SEC31A: variants seen among roughly 807,000 people sequenced by gnomAD.
The protein encoded by SEC31A is SEC31 homolog A, COPII component, also known as protein transport protein Sec31A.
SEC31A carries 70 observed loss-of-function variants against 151.0 expected under a neutral mutation model. The observed-to-expected ratio is 0.46, with a 90% confidence interval of 0.38 to 0.57. SEC31A has a LOEUF of 0.57. Ranked by LOEUF, SEC31A falls within the 20% of genes least tolerant of loss-of-function variation. The probability of loss-of-function intolerance (pLI) is 0.00; values close to 1 mark genes in which losing one functional copy is unlikely to be tolerated. For missense variants in SEC31A, 1,330 were observed against 1,471.2 expected (o/e 0.90, Z 1.57); for synonymous variants, 475 against 505.9 (o/e 0.94, Z 0.82).
chr4:82,865,318 A>C (rs1430974851), intron 10 of SEC31A, among the ~76,000 whole-genome samples: 1 of 152,092 alleles, frequency 6.6e-6, no homozygotes, highest in Non-Finnish European at 1.5e-5. Flanking sequence ...TAAAATGGTA[A>C]AACGGCTATA....
At chr4:82,862,771 T>C (rs922392165) in intron 12 of SEC31A, among the ~76,000 whole-genome samples, 199 bp from the exon 13 acceptor site, 1 of 152,218 alleles carries the variant, frequency 6.6e-6, no homozygotes, top group Non-Finnish European at 1.5e-5. Context: ...TTAGAAATAA[T>C]CCGACAATCA....
At chr4:82,869,381 C>T (rs189254565) in intron 8 of SEC31A, among the ~76,000 whole-genome samples, 1,700 of 150,878 alleles carry the variant, frequency 0.011, 37 homozygotes, top group African/African-American at 0.039. Flanking sequence ...CTGCCCGCCT[C>T]AGCCTCCCAA....
chr4:82,847,717 T>C (rs932588372), intron 20 of SEC31A, among the ~76,000 whole-genome samples: 2 of 152,170 alleles, frequency 1.3e-5, no homozygotes, highest in Non-Finnish European at 2.9e-5. Flanking sequence ...ACAGACTAAG[T>C]CTAGTGCAAT....
At chr4:82,889,776 CA>C (rs1295939508) in intron 1 of SEC31A, among the ~76,000 whole-genome samples, 1 of 152,086 alleles carries the variant, frequency 6.6e-6, no homozygotes, top group African/African-American at 2.4e-5. Context: ...CCTCAAATTT[CA>C]AATTTCACAA....
intron 23 of SEC31A, among the ~76,000 whole-genome samples, chr4:82,828,686 A>AAAAAAAAAAAAAAAAAAAAAAAAAAC (rs1725192064): frequency 6.6e-6 from 1 of 150,488 alleles, no homozygotes. Context: ...AAAAAAAAAA[A>AAAAAAAAAAAAAAAAAAAAAAAAAAC]AAAAAAAAAA....
At chr4:82,863,892 G>A (rs879542037) in intron 11 of SEC31A, among the ~76,000 whole-genome samples, 3 of 152,004 alleles carry the variant, frequency 2.0e-5, no homozygotes, top group Non-Finnish European at 4.4e-5. Context: ...CATTCCAGTG[G>A]AGGCAAAATG....
chr4:82,843,343 C>A (rs1415069850), intron 21 of SEC31A, among the ~76,000 whole-genome samples: 1 of 152,026 alleles, frequency 6.6e-6, no homozygotes, highest in Non-Finnish European at 1.5e-5. Context: ...TTCCTTTGTT[C>A]CCCAGGCTGG....
intron 1 of SEC31A, among the ~76,000 whole-genome samples, chr4:82,885,945 T>C (rs1044111986): frequency 6.6e-6 from 1 of 152,160 alleles, no homozygotes; most frequent in Non-Finnish European, 1.5e-5. Context: ...CTCCGAGTCT[T>C]GTACCTGCAA....
At chr4:82,868,883 T>G (rs1175985916) in intron 8 of SEC31A, among the ~76,000 whole-genome samples, 2 of 151,966 alleles carry the variant, frequency 1.3e-5, no homozygotes, top group East Asian at 3.9e-4. Context: ...GTTGTGGAGA[T>G]GGGGTTTCAC....
chr4:82,827,301 A>G, intron 24 of SEC31A, 68 bp downstream of exon 24: 1 of 1,488,212 alleles, frequency 6.7e-7, no homozygotes. Flanking sequence ...CATAAAAGTT[A>G]GCACATTAAA....
At position 82,856,979 on chromosome 4, in the gene SEC31A, G is replaced by C. The variant is rs149546168; in HGVS notation, c.1854C>G (p.Phe618Leu). 6.2e-7 allele frequency: 1 copy of C among 1,607,926 alleles called. No individual in the cohort carries two copies. Among genetic ancestry groups the C allele is most frequent in the African/African-American group, 1.3e-5 (1 of 74,516 alleles). Residue 618 changes from phenylalanine to leucine, a missense_variant, in exon 16 of 27, where the codon TTC becomes TTG. By Grantham distance (22) the Phe-to-Leu change is conservative. Coordinates refer to ENST00000395310, the MANE Select transcript of SEC31A (RefSeq NM_001077207.4). ...ELLARTQKKY[F>L]AKSQSKITRL... is the part of the protein sequence containing the mutation. ...TGGTAATTTTGCTTTGGGATTTTGC[G>C]AAGTATTTTTTCTGGGTTCGAGCCA...
At chr4:82,835,924 A>G (rs1202056259) in intron 22 of SEC31A, among the ~76,000 whole-genome samples, 1 of 152,208 alleles carries the variant, frequency 6.6e-6, no homozygotes, top group African/African-American at 2.4e-5. Flanking sequence ...AACAGAAAAC[A>G]CAAGTATTGG....
intron 7 of SEC31A, 122 bp from the exon 8 acceptor site, chr4:82,870,546 T>G (rs1736419278): frequency 3.8e-6 from 3 of 785,994 alleles, no homozygotes; most frequent in Admixed American, 2.4e-5. Context: ...ATGCAAGAGT[T>G]TCAGCGCCGG....
intron 1 of SEC31A, 54 bp from the exon 2 acceptor site, chr4:82,881,994 C>T (rs925231620): frequency 2.3e-6 from 3 of 1,290,690 alleles, no homozygotes; most frequent in Non-Finnish European, 3.4e-6. Context: ...ATGTCTAACA[C>T]AGAACACAGA....
chr4:82,897,955 T>C (rs1027615346), intron 3 of SEC31A: 2 of 152,220 alleles, frequency 1.3e-5, no homozygotes, highest in African/African-American at 4.8e-5. Flanking sequence ...GTTCCAGGAA[T>C]ACTTAATACA....
intron 16 of SEC31A, among the ~76,000 whole-genome samples, chr4:82,856,489 G>GCCTGTAA (rs1732690812): frequency 6.6e-6 from 1 of 151,400 alleles, no homozygotes; most frequent in Admixed American, 6.6e-5. Flanking sequence ...GGTGGCTTAT[G>GCCTGTAA]CCTGTAATCC....
At chr4:82,848,621 G>A (rs955852079) in intron 20 of SEC31A, among the ~76,000 whole-genome samples, 183 bp downstream of exon 20, 1 of 152,082 alleles carries the variant, frequency 6.6e-6, no homozygotes, top group African/African-American at 2.4e-5. Context: ...GACTAAATGA[G>A]AGAGATGATT....
intron 3 of SEC31A, 80 bp downstream of exon 3, chr4:82,880,719 T>A: frequency 2.5e-6 from 3 of 1,212,634 alleles, no homozygotes; most frequent in Non-Finnish European, 3.4e-6. Context: ...TTTCTAATAA[T>A]GGCATAATTA....
In SEC31A at chr4:82,834,308, A is replaced by G. The variant is rs149812083; in HGVS notation, c.2969-5250T>C. 1.2e-3 allele frequency among the ~76,000 whole-genome samples: 182 copies of G among 152,316 alleles called. 1 individual carries two copies. Among genetic ancestry groups the G allele is most frequent in the African/African-American group, 4.3e-3 (177 of 41,584 alleles). On this transcript the variant is annotated intron_variant, in intron 22 of 26. Transcript: ENST00000395310. ...TGGGCTTGACCCTTTAGTCAGGTCAAAACAACATGTCCTCTTCCCCTTCCT... is the reference window on the plus strand; with the variant it reads ...TGGGCTTGACCCTTTAGTCAGGTCAGAACAACATGTCCTCTTCCCCTTCCT...
Sources: gnomAD v4.1 joint callset for allele counts (sites outside exome capture counted in the v4.1 genomes callset) on GRCh38, gnomAD v4.1.1 for gene constraint, MANE v1.5 for transcripts, NCBI Gene and HGNC (gene_info 2026-07-23, HGNC 2026-07-21) for gene names.